RB1CC1: variants seen among roughly 807,000 people sequenced by gnomAD.
RB1CC1 encodes the protein RB1 inducible coiled-coil 1.
RB1CC1 carries 46 observed loss-of-function variants against 177.5 expected under a neutral mutation model. The observed-to-expected ratio is 0.26, with a 90% CI of 0.20 to 0.33. The LOEUF is 0.33. RB1CC1 is among the 10% of genes least tolerant of loss of function. The probability of loss-of-function intolerance (pLI) is 1.00; values close to 1 mark genes in which losing one functional copy is unlikely to be tolerated. For synonymous variants in RB1CC1, 666 were observed against 613.6 expected, an observed-to-expected ratio of 1.09 and a Z score of -1.26; for missense variants, 1,703 against 1,816.3, an observed-to-expected ratio of 0.94 and a Z score of 1.13.
chr8:52,685,055 T>G lies in RB1CC1; in HGVS notation c.71+344A>C, dbSNP rs1029156909. Among the ~76,000 whole-genome samples, 8 of 147,912 alleles carry G rather than the reference T, an allele frequency of 5.4e-5. No individual in the cohort carries two copies. The South Asian group carries it at 1.7e-3, about 31-fold the overall frequency. On this transcript the variant is annotated intron_variant, in intron 3 of 23. Coordinates refer to ENST00000025008, the MANE Select transcript of RB1CC1 (RefSeq NM_014781.5). The stretch of plus-strand genomic sequence containing the variant: ...GTCCTGCTCAGTCGCTGGGCTGGAG[T>G]GCAGTGGTGCGATCTTGACTCACTG...
intron 18 of RB1CC1, among the ~76,000 whole-genome samples, chr8:52,640,813 T>C (rs1199655503): frequency 6.6e-6 from 1 of 152,188 alleles, no homozygotes; most frequent in Non-Finnish European, 1.5e-5. Context: ...ATTTTATTTT[T>C]AATATACATT....
intron 8 of RB1CC1, among the ~76,000 whole-genome samples, chr8:52,664,665 C>G (rs1436035795): frequency 6.6e-6 from 1 of 152,116 alleles, no homozygotes; most frequent in Non-Finnish European, 1.5e-5. Context: ...AATTTTACTT[C>G]AGTTTGGATT....
intron 5 of RB1CC1, among the ~76,000 whole-genome samples, chr8:52,681,060 T>C (rs1472724564): frequency 2.6e-5 from 4 of 150,966 alleles, no homozygotes; most frequent in African/African-American, 7.3e-5. Context: ...GGTGCGATCT[T>C]GGCTCACTGC....
intron 16 of RB1CC1, among the ~76,000 whole-genome samples, chr8:52,643,882 G>A (rs1849784042): frequency 6.6e-6 from 1 of 151,758 alleles, no homozygotes; most frequent in Non-Finnish European, 1.5e-5. Context: ...GCTGGCAATA[G>A]GGAGATTTAG....
At chr8:52,704,261 C>A (rs1007003672) in intron 1 of RB1CC1, among the ~76,000 whole-genome samples, 1 of 151,920 alleles carries the variant, frequency 6.6e-6, no homozygotes, top group African/African-American at 2.4e-5. Context: ...TATAAATAGT[C>A]AAATCATACA....
chr8:52,658,779 A>C (rs1851328425), intron 13 of RB1CC1, 94 bp downstream of exon 13: 1 of 754,142 alleles, frequency 1.3e-6, no homozygotes, highest in African/African-American at 1.9e-5. Context: ...TTATCTTGGC[A>C]CCTCTTAAGA....
At chr8:52,685,089 G>GC (rs563190166) in intron 3 of RB1CC1, among the ~76,000 whole-genome samples, 89 of 147,898 alleles carry the variant, frequency 6.0e-4, no homozygotes, top group Admixed American at 3.9e-3. Flanking sequence ...TGCAACCTCT[G>GC]CCCCCCGGGG....
At chr8:52,667,973 C>CA (rs749738068) in intron 8 of RB1CC1, 48 bp downstream of exon 8, 15 of 1,563,108 alleles carry the variant, frequency 9.6e-6, no homozygotes, top group East Asian at 6.8e-5. Context: ...AACATGTGTA[C>CA]AAAAAAACTA....
chr8:52,659,814 C>T (rs547608586), intron 12 of RB1CC1, among the ~76,000 whole-genome samples: 3 of 152,094 alleles, frequency 2.0e-5, no homozygotes, highest in Non-Finnish European at 4.4e-5. Context: ...CTGGCCAACA[C>T]GGTGAAACCC....
intron 8 of RB1CC1, among the ~76,000 whole-genome samples, chr8:52,666,336 T>C (rs1852065054): frequency 6.6e-6 from 1 of 151,724 alleles, no homozygotes; most frequent in Non-Finnish European, 1.5e-5. Flanking sequence ...CTGACCAACA[T>C]GGAAAAACCC....
chr8:52,688,309 G>C (rs1457791931), intron 1 of RB1CC1, among the ~76,000 whole-genome samples: 1 of 152,188 alleles, frequency 6.6e-6, no homozygotes, highest in African/African-American at 2.4e-5. Context: ...GTGCAAGTAG[G>C]AGAGATGTTG....
At chr8:52,664,294 G>A (rs1005121101) in intron 8 of RB1CC1, among the ~76,000 whole-genome samples, 1 of 152,064 alleles carries the variant, frequency 6.6e-6, no homozygotes, top group Non-Finnish European at 1.5e-5. Context: ...CTATATTTCT[G>A]TCTTAAATTT....
Position 52,687,813 on chromosome 8 carries a change from G to C in RB1CC1, c.-166-846C>G, listed in dbSNP as rs368233371. Among the ~76,000 whole-genome samples the C allele has an allele frequency of 1.4e-4, 21 of 152,210 alleles. 1 individual carries two copies. Among genetic ancestry groups the C allele is most frequent in the African/African-American group, 4.8e-4 (20 of 41,540 alleles). ...CATGCCCAGAATCTATAAAATAATA[G>C]ATTTATGTTGCTTCAAACAATCAAG... On this transcript the variant is annotated intron_variant, in intron 1 of 23. Coordinates refer to ENST00000025008, the MANE Select transcript of RB1CC1 (RefSeq NM_014781.5).
At chr8:52,679,540 G>T (rs923602447) in intron 5 of RB1CC1, among the ~76,000 whole-genome samples, 12 of 152,200 alleles carry the variant, frequency 7.9e-5, no homozygotes, top group Non-Finnish European at 1.6e-4. Context: ...CCAAACCAAT[G>T]TACTTCTTAC....
chr8:52,705,215 C>T (rs1016043543), intron 1 of RB1CC1, among the ~76,000 whole-genome samples: 1 of 152,092 alleles, frequency 6.6e-6, no homozygotes, highest in African/African-American at 2.4e-5. Context: ...TGAACAGATC[C>T]AAATTGATCT....
Position 52,635,996 on chromosome 8 carries a change from A to C in RB1CC1, c.4392+19T>G. 1 of 1,604,944 alleles carries C rather than the reference A, an allele frequency of 6.2e-7. No homozygotes were observed. Among genetic ancestry groups the C allele is most frequent in the Non-Finnish European group, 8.5e-7 (1 of 1,176,942 alleles). On this transcript the variant is annotated intron_variant, in intron 19 of 23. Transcript: ENST00000025008. ...GTGAACATATTAAACATGGTACTTC[A>C]AGAAGATAATTTACTTACTCGTTCT...
intron 16 of RB1CC1, among the ~76,000 whole-genome samples, chr8:52,644,995 T>C (rs1849893701): frequency 2.0e-5 from 3 of 152,176 alleles, no homozygotes; most frequent in Admixed American, 1.3e-4. Flanking sequence ...CATGTTCCAG[T>C]GGGTGATCTT....
In RB1CC1 at chr8:52,660,751, A is replaced by C. The variant is rs1399407508; in HGVS notation, c.1628-94T>G. 3.2e-6 allele frequency: 4 copies of C among 1,234,078 alleles called. No individual in the cohort carries two copies. In the African/African-American group the frequency reaches 4.6e-5, roughly 14 times the overall value. The allele number at this position is 1,234,078 out of a possible 1,614,324, so 76.4% of individuals were successfully genotyped here. A position where few individuals can be genotyped will look rare whatever the true frequency, so the allele number is the denominator to read the frequency against. On this transcript the variant is annotated intron_variant, in intron 11 of 23. Coordinates refer to ENST00000025008, the MANE Select transcript of RB1CC1 (RefSeq NM_014781.5). Reference sequence around the variant, plus strand: ...TTGAAAAGGTAAATTAAAAGTTGACAGTACTTCAAGTTTAAAATTTAACAA... The same window carrying C: ...TTGAAAAGGTAAATTAAAAGTTGACCGTACTTCAAGTTTAAAATTTAACAA...
chr8:52,706,222 C>G (rs1455600471), intron 1 of RB1CC1, among the ~76,000 whole-genome samples: 2 of 151,896 alleles, frequency 1.3e-5, no homozygotes, highest in African/African-American at 2.4e-5. Context: ...TTAGTCCCAC[C>G]AAGAGAGCAA....
Sources: gnomAD v4.1 joint callset for allele counts (sites outside exome capture counted in the v4.1 genomes callset) on GRCh38, gnomAD v4.1.1 for gene constraint, MANE v1.5 for transcripts, NCBI Gene and HGNC (gene_info 2026-07-23, HGNC 2026-07-21) for gene names.